The following NMRK1 variants were observed in gnomAD, a reference collection of about 807,000 sequenced individuals.
NMRK1 encodes the protein nicotinamide riboside kinase 1.
In NMRK1, 28 loss-of-function variants were observed where a neutral mutation model predicts 29.9. The observed-to-expected ratio is 0.94, with a 90% confidence interval of 0.69 to 1.28. The LOEUF (loss-of-function observed/expected upper bound fraction) is 1.28, where lower values mean the gene tolerates loss of function less well. NMRK1 is among the 50% of genes most tolerant of loss of function. The pLI is 0.00. For missense variants in NMRK1, 218 were observed against 233.1 expected (o/e 0.94, Z 0.42); for synonymous variants, 58 against 73.0 (o/e 0.79, Z 1.05).
rs770596830 is a variant in NMRK1 at position 75,070,088 on chromosome 9, T to A, written c.170-46A>T. 7.7e-6 allele frequency: 12 copies of A among 1,548,548 alleles called. No individual in the cohort carries two copies. The African/African-American group carries it at 1.7e-4, about 21-fold the overall frequency. On this transcript the variant is annotated intron_variant, in intron 4 of 8. Coordinates refer to ENST00000361092, the MANE Select transcript of NMRK1 (RefSeq NM_017881.3). ...ATATGCAATCAATATAGCACAAAAT[T>A]TTGTGATGTGACTTTTTGTGATGAG...
chr9:75,069,752 T>A lies in NMRK1; in HGVS notation c.379A>T (p.Arg127Trp). The A allele has an allele frequency of 6.2e-7, 1 of 1,610,530 alleles. No homozygotes were observed. Among genetic ancestry groups the A allele is most frequent in the Non-Finnish European group, 8.5e-7 (1 of 1,178,410 alleles). ...GGCTTCAAAACTTACCTCCTCCTCC[T>A]TTTACATTCTTCATATGGAATAGTC... ...FLTIPYEECK[R>W]RRSTRVYQPP... Residue 127 changes from arginine to tryptophan, a missense_variant, in exon 6 of 9, where the codon AGG (arginine) becomes TGG (tryptophan). Arg to Trp is a moderately radical substitution (Grantham distance 101). Transcript: ENST00000361092.
chr9:75,077,276 AG>A (rs1416753654), intron 3 of NMRK1, 69 bp from the exon 4 acceptor site: 3 of 1,096,436 alleles, frequency 2.7e-6, no homozygotes, highest in African/African-American at 1.6e-5. Context: ...TAGACTAAAA[AG>A]GAGAGAAGTC....
chr9:75,086,248 G>C (rs1260945239), intron 1 of NMRK1, among the ~76,000 whole-genome samples: 10 of 151,980 alleles, frequency 6.6e-5, no homozygotes, highest in Non-Finnish European at 1.5e-4. Flanking sequence ...AATTTAAAAA[G>C]CTCGCAATTG....
At chr9:75,069,441 G>A (rs1483162357) in intron 6 of NMRK1, 1 of 473,572 alleles carries the variant, frequency 2.1e-6, no homozygotes, top group African/African-American at 2.0e-5. Flanking sequence ...GTTCTTTGTA[G>A]CTGTGGCAGA....
chr9:75,078,383 GC>G, intron 2 of NMRK1: 1 of 1,566,836 alleles, frequency 6.4e-7, no homozygotes, highest in Non-Finnish European at 8.7e-7. Context: ...CCACCTGGGG[GC>G]CAGCTGGGAG....
intron 8 of NMRK1, among the ~76,000 whole-genome samples, chr9:75,063,690 G>A (rs1033890699): frequency 6.6e-6 from 1 of 152,042 alleles, no homozygotes; most frequent in Non-Finnish European, 1.5e-5. Context: ...ACAAGTTTAT[G>A]AGATGTGAGA....
chr9:75,073,005 T>C (rs947719656), intron 4 of NMRK1, among the ~76,000 whole-genome samples: 1 of 152,242 alleles, frequency 6.6e-6, no homozygotes, highest in Non-Finnish European at 1.5e-5. Context: ...TGTTATGAGT[T>C]GAATGCGTCC....
intron 2 of NMRK1, among the ~76,000 whole-genome samples, chr9:75,080,923 A>G (rs1035398116): frequency 1.1e-4 from 17 of 152,120 alleles, no homozygotes; most frequent in Non-Finnish European, 2.1e-4. Context: ...ACATATCACC[A>G]CCATGTTTCT....
intron 8 of NMRK1, among the ~76,000 whole-genome samples, chr9:75,064,435 T>A (rs541546059): frequency 1.3e-5 from 2 of 152,156 alleles, no homozygotes; most frequent in South Asian, 2.1e-4. Context: ...GCTGAGCCCC[T>A]CCCTTCACCC....
In NMRK1 at chr9:75,088,005, C is replaced by T. The variant is rs1312688804; in HGVS notation, c.-36+3G>A. 6.5e-6 allele frequency: 1 copy of T among 153,022 alleles called. No individual in the cohort carries two copies. The highest frequency in any genetic ancestry group is 1.5e-5 in the Non-Finnish European group (1 of 68,768). 9.5% of individuals were successfully genotyped at this position (153,022 alleles called of 1,614,324 possible). On this transcript the variant is annotated splice_donor_region_variant and intron_variant, in intron 1 of 8. Coordinates refer to ENST00000361092, the MANE Select transcript of NMRK1 (RefSeq NM_017881.3). ...CGGCAGGGGCGAGCAGGTACGCACT[C>T]ACCTGGCGCCAGTTCGAGTCCTCCC...
chr9:75,086,092 C>A (rs1824612733), intron 1 of NMRK1, among the ~76,000 whole-genome samples: 1 of 151,984 alleles, frequency 6.6e-6, no homozygotes, highest in Non-Finnish European at 1.5e-5. Context: ...AAAAAAATCA[C>A]CAAGGCTGCA....
At chr9:75,082,892 C>T (rs999907338) in intron 2 of NMRK1, 195 bp downstream of exon 2, 6 of 560,914 alleles carry the variant, frequency 1.1e-5, no homozygotes, top group South Asian at 4.7e-5. Flanking sequence ...TCTTCTGTTT[C>T]TCTGTTTATA....
At chr9:75,070,297 C>T (rs1013305538) in intron 4 of NMRK1, among the ~76,000 whole-genome samples, 4 of 152,156 alleles carry the variant, frequency 2.6e-5, no homozygotes, top group African/African-American at 7.2e-5. Context: ...GTCCCTATTA[C>T]CAGCTCTGAT....
At chr9:75,080,012 ATTTATTT>A (rs1285813799) in intron 2 of NMRK1, among the ~76,000 whole-genome samples, 1 of 152,072 alleles carries the variant, frequency 6.6e-6, no homozygotes, top group Non-Finnish European at 1.5e-5. Flanking sequence ...CTCCTGGCCC[ATTTATTT>A]TTTATGTGCC....
chr9:75,082,774 A>C, intron 2 of NMRK1: 1 of 368,428 alleles, frequency 2.7e-6, no homozygotes, highest in Non-Finnish European at 4.9e-6. Flanking sequence ...GGAGAATGAT[A>C]TGGGGAATGA....
At chr9:75,068,620 C>T (rs1823507597) in intron 7 of NMRK1, among the ~76,000 whole-genome samples, 1 of 152,194 alleles carries the variant, frequency 6.6e-6, no homozygotes, top group South Asian at 2.1e-4. Context: ...TCTCGGCAGT[C>T]CCCTAGAACT....
chr9:75,061,217 C>T lies in NMRK1; in HGVS notation c.*331G>A. 3.4e-6 allele frequency: 1 copy of T among 295,510 alleles called. No homozygotes were observed. Among genetic ancestry groups the T allele is most frequent in the South Asian group, 8.3e-5 (1 of 11,988 alleles). The allele number at this position is 295,510 out of a possible 1,614,324, so 18.3% of individuals were successfully genotyped here. On this transcript the variant is annotated 3_prime_UTR_variant, in exon 9 of 9. Transcript: ENST00000361092. Reference sequence around the variant, plus strand: ...CACAGATATTGGATTGTGATGTAATCTTTATTTCTTACTCTGAGCTCCAGT... The same window carrying T: ...CACAGATATTGGATTGTGATGTAATTTTTATTTCTTACTCTGAGCTCCAGT...
At chr9:75,076,874 G>A (rs1824019789) in intron 4 of NMRK1, among the ~76,000 whole-genome samples, 1 of 152,156 alleles carries the variant, frequency 6.6e-6, no homozygotes, top group African/African-American at 2.4e-5. Context: ...CATTACAGGT[G>A]TAAGCCTCCA....
intron 1 of NMRK1, among the ~76,000 whole-genome samples, chr9:75,083,417 G>A (rs187152892): frequency 5.9e-5 from 9 of 152,310 alleles, no homozygotes; most frequent in East Asian, 3.9e-4. Flanking sequence ...TTTTCTGGGC[G>A]TGGAAGAACT....
Sources: allele counts gnomAD v4.1 joint callset (sites outside exome capture counted in the v4.1 genomes callset), GRCh38; gene constraint gnomAD v4.1.1; transcripts MANE v1.5; gene names NCBI Gene and HGNC (gene_info 2026-07-23, HGNC 2026-07-21).